The following FAM167A variants were observed in gnomAD, a reference collection of about 807,000 sequenced individuals.
The protein encoded by FAM167A is family with sequence similarity 167 member A.
In FAM167A, 23 loss-of-function variants were observed where a neutral mutation model predicts 14.9. That is an observed-to-expected ratio of 1.55 (90% CI 1.11 to 2.19). The LOEUF (loss-of-function observed/expected upper bound fraction) is 2.19, where lower values mean the gene tolerates loss of function less well. Ranked by LOEUF, FAM167A falls within the 30% of genes most tolerant of loss-of-function variation. The probability of loss-of-function intolerance (pLI) is 0.00; values close to 1 mark genes in which losing one functional copy is unlikely to be tolerated. For missense variants in FAM167A, 401 were observed against 281.5 expected (o/e 1.42, Z -3.04); for synonymous variants, 174 against 117.7 (o/e 1.48, Z -3.10).
At position 11,451,135 on chromosome 8, in the gene FAM167A, C is replaced by A. The variant is rs940567337; in HGVS notation, c.-397-6327G>T. 6.4e-4 allele frequency among the ~76,000 whole-genome samples: 97 copies of A among 152,348 alleles called. 2 individuals carry two copies. The highest frequency in any genetic ancestry group is 3.8e-3 in the Admixed American group (58 of 15,304). ...CTTTCTCCTGGGGCGTGGGGAGACACAGGATGAAGTTTTGGTGTCAGAACC... is the reference window on the plus strand; with the variant it reads ...CTTTCTCCTGGGGCGTGGGGAGACAAAGGATGAAGTTTTGGTGTCAGAACC... On this transcript the variant is annotated intron_variant, in intron 1 of 2. Coordinates refer to ENST00000284486, the MANE Select transcript of FAM167A (RefSeq NM_053279.3).
Position 11,444,268 on chromosome 8 carries a change from T to G in FAM167A, c.144A>C (p.Glu48Asp). 1 of 1,610,490 alleles carries G rather than the reference T, an allele frequency of 6.2e-7. No homozygotes were observed. Among genetic ancestry groups the G allele is most frequent in the Non-Finnish European group, 8.5e-7 (1 of 1,179,368 alleles). The change falls in exon 2 of 3, where the codon GAA becomes GAC. Residue 48 changes from glutamate (E) to aspartate (D), a missense_variant. Glu to Asp is a conservative substitution (Grantham distance 45). Transcript: ENST00000284486. ...TATGCTCCTCCAGCCTGGCCTGCCA[T>G]TCCAGGTAGGAGGGCCTGCGGGTCT... ...RLETRRPSYL[E>D]WQARLEEHTW...
At chr8:11,425,342 G>C (rs946547917) in intron 2 of FAM167A, among the ~76,000 whole-genome samples, 1 of 152,142 alleles carries the variant, frequency 6.6e-6, no homozygotes, top group Non-Finnish European at 1.5e-5. Context: ...TAGCTGTGTC[G>C]GCTCACAAAG....
chr8:11,441,961 A>G (rs1228935639), intron 2 of FAM167A, among the ~76,000 whole-genome samples: 3 of 152,244 alleles, frequency 2.0e-5, no homozygotes, highest in South Asian at 4.1e-4. Context: ...AGTGCCTGGC[A>G]TACAGGACAC....
chr8:11,445,232 C>T (rs1290201773), intron 1 of FAM167A: 7 of 985,356 alleles, frequency 7.1e-6, no homozygotes, highest in African/African-American at 1.7e-5. Context: ...TGGCAACAGC[C>T]GGGGGGTCCC....
chr8:11,427,837 G>A (rs1805287390), intron 2 of FAM167A, among the ~76,000 whole-genome samples: 1 of 152,186 alleles, frequency 6.6e-6, no homozygotes, highest in Non-Finnish European at 1.5e-5. Flanking sequence ...CTCAAGCATT[G>A]AAGAAACTCA....
chr8:11,444,630 G>A lies in FAM167A; in HGVS notation c.-219C>T. The A allele has an allele frequency of 1.5e-6, 2 of 1,360,866 alleles. No homozygotes were observed. The highest frequency in any genetic ancestry group is 1.9e-6 in the Non-Finnish European group (2 of 1,062,518). 84.3% of individuals were successfully genotyped at this position (1,360,866 alleles called of 1,614,324 possible). Reference sequence around the variant, plus strand: ...CGCCCTCCTGGAGGCTCGGGTCTATGATCCGTCCTGGAAGCCTGTGGGTGC... The same window carrying A: ...CGCCCTCCTGGAGGCTCGGGTCTATAATCCGTCCTGGAAGCCTGTGGGTGC... On this transcript the variant is annotated 5_prime_UTR_variant, in exon 2 of 3. Transcript: ENST00000284486.
At chr8:11,445,304 G>A (rs73209216) in intron 1 of FAM167A, 49 of 985,950 alleles carry the variant, frequency 5.0e-5, no homozygotes, top group Non-Finnish European at 5.5e-5. Flanking sequence ...CTCCGTCCAG[G>A]TGCCACTGCC....
rs147157481 is a variant in FAM167A, at chr8:11,435,996, C to T, written c.381+8035G>A. Among the ~76,000 whole-genome samples the T allele has an allele frequency of 2.0e-4, 30 of 152,320 alleles. No homozygotes were observed. In the East Asian group the frequency reaches 4.6e-3, roughly 24 times the overall value. On this transcript the variant is annotated intron_variant, in intron 2 of 2. Transcript: ENST00000284486. ...GGCGCTTGCCCCAGCTCCTGGGTGC[C>T]GGGTCCCTGCCAGAGCCTTTTTTGC...
At chr8:11,428,456 G>T (rs140194331) in intron 2 of FAM167A, among the ~76,000 whole-genome samples, 3 of 152,218 alleles carry the variant, frequency 2.0e-5, no homozygotes, top group Admixed American at 6.5e-5. Flanking sequence ...TCAATTCTGC[G>T]TAAGGGTGAA....
At position 11,424,637 on chromosome 8, in the gene FAM167A, C is replaced by G. The variant is rs1413209098; in HGVS notation, c.382-1G>C. 1.2e-6 allele frequency: 2 copies of G among 1,613,296 alleles called. No individual in the cohort carries two copies. Among genetic ancestry groups the G allele is most frequent in the East Asian group, 2.2e-5 (1 of 44,870 alleles). ...GCTGGTCCTGCAGCCGCATCTCCGT[C>G]TGGAAGGGAGGGGGAGCAGGCAGGG... On this transcript the variant is annotated splice_acceptor_variant, in intron 2 of 2. Coordinates refer to ENST00000284486, the MANE Select transcript of FAM167A (RefSeq NM_053279.3). LOFTEE classifies it high-confidence loss of function.
intron 1 of FAM167A, among the ~76,000 whole-genome samples, chr8:11,458,997 C>G (rs1807438147): frequency 6.6e-6 from 1 of 152,226 alleles, no homozygotes. Flanking sequence ...CTCATGGCCA[C>G]CTGCTGGGTA....
At chr8:11,438,854 C>T (rs1806237948) in intron 2 of FAM167A, among the ~76,000 whole-genome samples, 1 of 152,208 alleles carries the variant, frequency 6.6e-6, no homozygotes, top group South Asian at 2.1e-4. Flanking sequence ...AACCAAATCC[C>T]CGCTCAGCCA....
intron 1 of FAM167A, among the ~76,000 whole-genome samples, chr8:11,449,945 A>G (rs4841536): frequency 0.51 from 77,194 of 152,112 alleles, 20,274 homozygotes; most frequent in East Asian, 0.66. Flanking sequence ...TGGGCTCCCA[A>G]GGGCAGGGGA....
At position 11,421,820 on chromosome 8, in the gene FAM167A, T is replaced by A; in HGVS notation, c.*2553A>T. 2.5e-6 allele frequency: 1 copy of A among 398,752 alleles called. No homozygotes were observed. Among genetic ancestry groups the A allele is most frequent in the Non-Finnish European group, 4.4e-6 (1 of 226,080 alleles). 24.7% of individuals were successfully genotyped at this position (398,752 alleles called of 1,614,324 possible). A position where few individuals can be genotyped will look rare whatever the true frequency, so the allele number is the denominator to read the frequency against. On this transcript the variant is annotated 3_prime_UTR_variant, in exon 3 of 3. Coordinates refer to ENST00000284486, the MANE Select transcript of FAM167A (RefSeq NM_053279.3). ...ACAACTGCAAACAGCACTGTACACA[T>A]GTGGTGAGCCAGGAGGCTGGGACGG...
chr8:11,448,614 C>T (rs961246350), intron 1 of FAM167A, among the ~76,000 whole-genome samples: 5 of 152,236 alleles, frequency 3.3e-5, no homozygotes, highest in African/African-American at 1.2e-4. Flanking sequence ...GTTGATCCCA[C>T]CTCCCCCAGA....
At chr8:11,461,809 C>G (rs964241410) in intron 1 of FAM167A, among the ~76,000 whole-genome samples, 1 of 152,266 alleles carries the variant, frequency 6.6e-6, no homozygotes, top group Non-Finnish European at 1.5e-5. Flanking sequence ...CTATTTTACT[C>G]TGCAGCACAA....
intron 1 of FAM167A, among the ~76,000 whole-genome samples, chr8:11,472,690 G>C (rs1051754039): frequency 5.3e-5 from 8 of 152,140 alleles, no homozygotes; most frequent in African/African-American, 1.7e-4. Context: ...TTGAGTAATG[G>C]AAAGAGCCCT....
At chr8:11,458,257 A>T (rs1807409106) in intron 1 of FAM167A, among the ~76,000 whole-genome samples, 1 of 152,178 alleles carries the variant, frequency 6.6e-6, no homozygotes, top group African/African-American at 2.4e-5. Flanking sequence ...CCTGGATCAA[A>T]CAGCACCTCA....
chr8:11,463,065 G>T (rs1214783609), intron 1 of FAM167A, among the ~76,000 whole-genome samples: 1 of 152,170 alleles, frequency 6.6e-6, no homozygotes, highest in Non-Finnish European at 1.5e-5. Flanking sequence ...AGGCTGTATG[G>T]ACTCCGCTGG....
Sources: gnomAD v4.1 joint callset for allele counts (sites outside exome capture counted in the v4.1 genomes callset) on GRCh38, gnomAD v4.1.1 for gene constraint, MANE v1.5 for transcripts, NCBI Gene and HGNC (gene_info 2026-07-23, HGNC 2026-07-21) for gene names.